Variants in MBNL1 observed in about 807,000 individuals in gnomAD.
MBNL1 encodes muscleblind-like protein 1.
A neutral mutation model predicts 42.2 loss-of-function variants in MBNL1; 8 were observed. The ratio of observed to expected loss-of-function variants is 0.19; its 90% CI spans 0.11 to 0.34. The LOEUF is 0.34. MBNL1 is among the 10% of genes least tolerant of loss of function. The pLI is 1.00. For missense variants in MBNL1, 309 were observed against 495.3 expected (o/e 0.62, Z 3.57); for synonymous variants, 169 against 173.9 (o/e 0.97, Z 0.22).
chr3:152,303,101 A>G (rs1414476532), intron 2 of MBNL1, among the ~76,000 whole-genome samples: 1 of 152,080 alleles, frequency 6.6e-6, no homozygotes, highest in Non-Finnish European at 1.5e-5. Flanking sequence ...GTTACTAAAG[A>G]TAATAGGAAG....
Position 152,432,780 on chromosome 3 carries a change from C to A in MBNL1, c.409C>A (p.Leu137Met). The A allele has an allele frequency of 1.2e-6, 2 of 1,614,244 alleles. No homozygotes were observed. The highest frequency in any genetic ancestry group is 4.5e-5 in the East Asian group (2 of 44,888). ...ATCAGCAGCCGCCTTTAATCCCTAT[C>A]TGGGACCTGTTTCTCCAAGCCTGGT... ...NASAAAFNPY[L>M]GPVSPSLVPA... Residue 137 changes from leucine to methionine, a missense_variant, in exon 4 of 10, where the codon CTG becomes ATG. Physicochemically the swap from Leu to Met is conservative, Grantham distance 15. Coordinates refer to ENST00000324210, the MANE Select transcript of MBNL1 (RefSeq NM_021038.5).
rs572477787 is a variant in MBNL1 at position 152,252,851 on chromosome 3, T to A, written n.333+8411T>A. ...AAAAAAATTTTCACTCTTTTATATG[T>A]GATTCTAGAGTATTCCTGCCCCCAG... is the stretch of plus-strand genomic sequence containing the variant. On this transcript the variant is annotated intron_variant and non_coding_transcript_variant, in intron 2 of 2. Transcript: ENST00000477171. Among the ~76,000 whole-genome samples, 3 of 152,260 alleles carry A rather than the reference T, an allele frequency of 2.0e-5. No individual in the cohort carries two copies. The South Asian group carries it at 6.2e-4, about 32-fold the overall frequency.
In MBNL1 at chr3:152,269,084, A is replaced by G. The variant is rs2038296247; in HGVS notation, c.-798A>G. On this transcript the variant is annotated 5_prime_UTR_variant, in exon 1 of 10. The change abolishes an upstream ATG in the 5' untranslated region. Coordinates refer to ENST00000324210, the MANE Select transcript of MBNL1 (RefSeq NM_021038.5). ...CAGTGGGGCCGCCTCTGAAAAAAAA[A>G]TGTGAGAGGTAAGTTTCCATTTTCA... is the stretch of plus-strand genomic sequence containing the variant. 1 of 455,060 alleles carries G rather than the reference A, an allele frequency of 2.2e-6. No homozygotes were observed. Among genetic ancestry groups the G allele is most frequent in the South Asian group, 1.6e-5 (1 of 64,494 alleles). The allele number at this position is 455,060 out of a possible 1,614,324, so 28.2% of individuals were successfully genotyped here.
intron 2 of MBNL1, among the ~76,000 whole-genome samples, chr3:152,388,518 T>C (rs1289512809): frequency 1.3e-5 from 2 of 152,266 alleles, no homozygotes; most frequent in South Asian, 2.1e-4. Context: ...TTCTCTTTGC[T>C]CTCAATTTCT....
At chr3:152,246,354 G>T (rs1246464197) in intron 2 of MBNL1, among the ~76,000 whole-genome samples, 1 of 151,570 alleles carries the variant, frequency 6.6e-6, no homozygotes, top group African/African-American at 2.4e-5. Flanking sequence ...AGACAGATTT[G>T]TTGTTGTTGT....
At chr3:152,376,484 C>G (rs938625525) in intron 2 of MBNL1, among the ~76,000 whole-genome samples, 1 of 151,842 alleles carries the variant, frequency 6.6e-6, no homozygotes, top group South Asian at 2.1e-4. Context: ...GTGGTTCATC[C>G]GTAAAATAAG....
At chr3:152,408,823 G>A (rs1282287178) in intron 2 of MBNL1, among the ~76,000 whole-genome samples, 3 of 152,068 alleles carry the variant, frequency 2.0e-5, no homozygotes, top group Admixed American at 1.3e-4. Flanking sequence ...AGAACTGAGG[G>A]TAGGGGTAAT....
chr3:152,332,727 T>A (rs1016883388), intron 2 of MBNL1, among the ~76,000 whole-genome samples: 1 of 130,920 alleles, frequency 7.6e-6, no homozygotes, highest in African/African-American at 3.1e-5. Context: ...TGTGTGTGTG[T>A]GTGTGTGTGT....
At chr3:152,453,345 A>G (rs1438478489) in intron 6 of MBNL1, among the ~76,000 whole-genome samples, 1 of 152,154 alleles carries the variant, frequency 6.6e-6, no homozygotes, top group African/African-American at 2.4e-5. Flanking sequence ...AGTTTTTCCT[A>G]CATTTTCATA....
At chr3:152,428,634 AC>A (rs1419469032) in intron 3 of MBNL1, among the ~76,000 whole-genome samples, 1 of 152,184 alleles carries the variant, frequency 6.6e-6, no homozygotes, top group Non-Finnish European at 1.5e-5. Flanking sequence ...AGAAAAATGT[AC>A]CTATATCTGT....
At chr3:152,262,594 GAAAT>G (rs1186846576) in intron 2 of MBNL1, 1 of 152,180 alleles carries the variant, frequency 6.6e-6, no homozygotes. Context: ...TTTACCTTTA[GAAAT>G]AAATAAGACA....
intron 2 of MBNL1, among the ~76,000 whole-genome samples, chr3:152,337,865 A>G (rs1400480580): frequency 1.3e-5 from 2 of 152,154 alleles, no homozygotes; most frequent in African/African-American, 4.8e-5. Context: ...ACTAAAAACA[A>G]TTTTAATTAT....
At chr3:152,406,097 A>T (rs546669760) in intron 2 of MBNL1, among the ~76,000 whole-genome samples, 4 of 152,328 alleles carry the variant, frequency 2.6e-5, no homozygotes, top group African/African-American at 9.6e-5. Flanking sequence ...TCACAAGGTC[A>T]TAGAGACTCT....
chr3:152,456,449 G>A, intron 8 of MBNL1, 88 bp downstream of exon 8: 1 of 1,066,814 alleles, frequency 9.4e-7, no homozygotes, highest in East Asian at 2.4e-5. Context: ...TTCCCATTGA[G>A]GTCAGTGGGA....
chr3:152,281,800 AT>A (rs1419930191), intron 1 of MBNL1, among the ~76,000 whole-genome samples: 1 of 152,166 alleles, frequency 6.6e-6, no homozygotes, highest in African/African-American at 2.4e-5. Context: ...AATTCAATTC[AT>A]TTTTTCATCA....
In MBNL1 at chr3:152,432,789, G is replaced by C. The variant is rs1260336364; in HGVS notation, c.418G>C (p.Val140Leu). ...AAAFNPYLGP[V>L]SPSLVPAEIL... ...CGCCTTTAATCCCTATCTGGGACCTGTTTCTCCAAGCCTGGTCCCGGCAGA... is the reference window on the plus strand; with the variant it reads ...CGCCTTTAATCCCTATCTGGGACCTCTTTCTCCAAGCCTGGTCCCGGCAGA... The change falls in exon 4 of 10, where the codon GTT becomes CTT. Residue 140 changes from valine to leucine, a missense_variant. Val to Leu is a conservative substitution (Grantham distance 32). Transcript: ENST00000324210. 6.2e-7 allele frequency: 1 copy of C among 1,614,166 alleles called. No homozygotes were observed.
chr3:152,405,991 A>G (rs1307886331), intron 2 of MBNL1, among the ~76,000 whole-genome samples: 2 of 152,314 alleles, frequency 1.3e-5, no homozygotes, highest in East Asian at 1.9e-4. Context: ...AAACATAGTG[A>G]TCTGCCATTT....
intron 2 of MBNL1, among the ~76,000 whole-genome samples, chr3:152,335,765 T>C (rs1401630715): frequency 6.6e-6 from 1 of 152,210 alleles, no homozygotes; most frequent in African/African-American, 2.4e-5. Context: ...ATCATAGAGA[T>C]GTAGGTCAAA....
At chr3:152,259,029 G>A (rs1284619418) in intron 2 of MBNL1, among the ~76,000 whole-genome samples, 1 of 152,162 alleles carries the variant, frequency 6.6e-6, no homozygotes, top group Non-Finnish European at 1.5e-5. Flanking sequence ...GTCTCCGAAG[G>A]GGAAAAACTG....
Sources: allele counts gnomAD v4.1 joint callset (sites outside exome capture counted in the v4.1 genomes callset), GRCh38; gene constraint gnomAD v4.1.1; transcripts MANE v1.5; gene names NCBI Gene and HGNC (gene_info 2026-07-23, HGNC 2026-07-21).